The following DTWD2 variants were observed in gnomAD, a reference collection of about 807,000 sequenced individuals.
DTWD2 encodes tRNA-uridine aminocarboxypropyltransferase 2.
In DTWD2, 39 loss-of-function variants were observed where a neutral mutation model predicts 31.8. The ratio of observed to expected loss-of-function variants is 1.22; its 90% CI spans 0.95 to 1.60. The LOEUF is 1.60. Among genes scored for constraint, DTWD2 ranks in the 40% most tolerant of loss-of-function variants. The probability of loss-of-function intolerance (pLI) is 0.00; values close to 1 mark genes in which losing one functional copy is unlikely to be tolerated. For missense variants in DTWD2, 515 were observed against 381.5 expected (o/e 1.35, Z -2.92); for synonymous variants, 180 against 142.8 (o/e 1.26, Z -1.86).
intron 4 of DTWD2, among the ~76,000 whole-genome samples, chr5:118,867,178 A>C (rs974122009): frequency 2.6e-5 from 4 of 152,206 alleles, no homozygotes; most frequent in Non-Finnish European, 4.4e-5. Flanking sequence ...ATTACAAAAT[A>C]GAATAATGGA....
intron 3 of DTWD2, among the ~76,000 whole-genome samples, chr5:118,930,381 A>C (rs1006038182): frequency 1.3e-5 from 2 of 152,330 alleles, no homozygotes; most frequent in Middle Eastern, 3.4e-3. Flanking sequence ...TTTTTCTTTG[A>C]AATATAATTT....
chr5:118,963,730 A>C (rs1019037449), intron 1 of DTWD2, among the ~76,000 whole-genome samples: 3 of 152,156 alleles, frequency 2.0e-5, no homozygotes, highest in African/African-American at 4.8e-5. Flanking sequence ...AGAGTAGTTT[A>C]AATACCACCT....
At chr5:118,918,814 CCT>C (rs1319913229) in intron 4 of DTWD2, among the ~76,000 whole-genome samples, 4 of 151,178 alleles carry the variant, frequency 2.6e-5, no homozygotes, top group African/African-American at 9.8e-5. Context: ...GTGGTAAGAC[CCT>C]GTCTCTACCA....
rs1441318030 is a variant in DTWD2, at chr5:118,840,619, G to GT, written c.*297dup. 1 of 198,714 alleles carries GT rather than the reference G, an allele frequency of 5.0e-6. No homozygotes were observed. The highest frequency in any genetic ancestry group is 5.9e-5 in the Admixed American group (1 of 17,000). 12.3% of individuals were successfully genotyped at this position (198,714 alleles called of 1,614,324 possible). A position where few individuals can be genotyped will look rare whatever the true frequency, so the allele number is the denominator to read the frequency against. The stretch of plus-strand genomic sequence containing the variant: ...ACAACAATTTTCTTCTATTTTACAA[G>GT]TAAGAACTTCTAACCTATCACAACA... On this transcript the variant is annotated 3_prime_UTR_variant, in exon 6 of 6. Coordinates refer to ENST00000510708, the MANE Select transcript of DTWD2 (RefSeq NM_173666.4).
At chr5:118,858,295 G>C (rs1417759416) in intron 4 of DTWD2, among the ~76,000 whole-genome samples, 1 of 152,134 alleles carries the variant, frequency 6.6e-6, no homozygotes, top group Non-Finnish European at 1.5e-5. Flanking sequence ...TGGAATTTAA[G>C]GGTTTCAGAA....
chr5:118,850,692 T>G (rs1172293701), intron 4 of DTWD2, among the ~76,000 whole-genome samples: 1 of 151,814 alleles, frequency 6.6e-6, no homozygotes, highest in East Asian at 1.9e-4. Flanking sequence ...AAAAAGCTTC[T>G]GCAAGGAAAA....
intron 4 of DTWD2, among the ~76,000 whole-genome samples, chr5:118,895,920 ATTTG>A (rs1006107156): frequency 5.3e-5 from 8 of 152,160 alleles, no homozygotes; most frequent in African/African-American, 1.9e-4. Flanking sequence ...CCACCTTACA[ATTTG>A]TTTAAGGAAT....
intron 5 of DTWD2, among the ~76,000 whole-genome samples, chr5:118,847,607 G>T (rs1580763152): frequency 7.4e-6 from 1 of 135,630 alleles, no homozygotes; most frequent in African/African-American, 3.1e-5. Flanking sequence ...TATTCTCTAG[G>T]CATTTTTTTT....
intron 4 of DTWD2, among the ~76,000 whole-genome samples, chr5:118,873,995 G>A (rs761364354): frequency 4.6e-5 from 7 of 152,230 alleles, no homozygotes; most frequent in Non-Finnish European, 1.0e-4. Context: ...CCCAAGTGCA[G>A]TGGATTCCAA....
At chr5:118,915,692 T>C (rs1241634360) in intron 4 of DTWD2, among the ~76,000 whole-genome samples, 4 of 152,160 alleles carry the variant, frequency 2.6e-5, no homozygotes, top group African/African-American at 9.7e-5. Flanking sequence ...GAAATTTAAC[T>C]GAATCCAATT....
At chr5:118,956,197 A>C (rs1754584084) in intron 1 of DTWD2, among the ~76,000 whole-genome samples, 1 of 152,242 alleles carries the variant, frequency 6.6e-6, no homozygotes, top group Admixed American at 6.5e-5. Context: ...CAGACTGACC[A>C]AAATAGGTGC....
intron 1 of DTWD2, among the ~76,000 whole-genome samples, chr5:118,944,860 T>A (rs1309657777): frequency 3.3e-5 from 5 of 152,194 alleles, no homozygotes; most frequent in Admixed American, 3.3e-4. Context: ...ACCACTTATA[T>A]AGATTAAGTA....
At chr5:118,973,042 T>C (rs1273808390) in intron 1 of DTWD2, among the ~76,000 whole-genome samples, 1 of 152,086 alleles carries the variant, frequency 6.6e-6, no homozygotes, top group African/African-American at 2.4e-5. Flanking sequence ...ATCAGAAACT[T>C]ACAGTCTGTT....
intron 3 of DTWD2, among the ~76,000 whole-genome samples, chr5:118,935,448 C>T (rs547486570): frequency 6.6e-6 from 1 of 152,104 alleles, no homozygotes; most frequent in Non-Finnish European, 1.5e-5. Flanking sequence ...ACTATCCCCA[C>T]GTAGGCAGGG....
chr5:118,865,995 CGTGTGT>C (rs3068505), intron 4 of DTWD2, among the ~76,000 whole-genome samples: 4 of 146,804 alleles, frequency 2.7e-5, no homozygotes, highest in Admixed American at 6.8e-5. Flanking sequence ...CGTGTGTCTG[CGTGTGT>C]GTGTGTGTGT....
intron 1 of DTWD2, among the ~76,000 whole-genome samples, chr5:118,981,155 A>G (rs1350759439): frequency 6.6e-6 from 1 of 152,228 alleles, no homozygotes; most frequent in Non-Finnish European, 1.5e-5. Flanking sequence ...TCATAGAAAC[A>G]AAAAGTAGAA....
intron 4 of DTWD2, among the ~76,000 whole-genome samples, chr5:118,882,378 C>A (rs182406494): frequency 1.5e-3 from 225 of 152,330 alleles, no homozygotes; most frequent in African/African-American, 5.0e-3. Context: ...TGTGGCTTTT[C>A]CAGGTGCATG....
At chr5:118,958,282 G>A (rs1002245689) in intron 1 of DTWD2, among the ~76,000 whole-genome samples, 3 of 151,936 alleles carry the variant, frequency 2.0e-5, no homozygotes, top group African/African-American at 7.3e-5. Flanking sequence ...GTGAAACTCC[G>A]TCTCTACCAA....
rs756145111 is a variant in DTWD2, at chr5:118,840,952, T to G, written c.862A>C (p.Lys288Gln). ...PMPKNKRKLR[K>Q]MELLMNSVKI Reference sequence around the variant, plus strand: ...ACACTATTCATTAACAATTCCATTTTCCTGAGTTTGCGTTTGTTCTTTGGC... The same window carrying G: ...ACACTATTCATTAACAATTCCATTTGCCTGAGTTTGCGTTTGTTCTTTGGC... Residue 288 changes from lysine to glutamine, a missense_variant, in exon 6 of 6, where the codon AAA (lysine) becomes CAA (glutamine). Transcript: ENST00000510708. 5 of 1,613,672 alleles carry G rather than the reference T, an allele frequency of 3.1e-6. No individual in the cohort carries two copies. The African/African-American group carries it at 6.7e-5, about 22-fold the overall frequency.
Sources: allele counts gnomAD v4.1 joint callset (sites outside exome capture counted in the v4.1 genomes callset), GRCh38; gene constraint gnomAD v4.1.1; transcripts MANE v1.5; gene names NCBI Gene and HGNC (gene_info 2026-07-23, HGNC 2026-07-21).